ESR1: variants seen among roughly 807,000 people sequenced by gnomAD.
ESR1 encodes the protein estrogen receptor 1.
Under a neutral mutation model 52.7 loss-of-function variants are expected in ESR1, and 12 were observed. The ratio of observed to expected loss-of-function variants is 0.23; its 90% CI spans 0.15 to 0.37. ESR1 has a LOEUF of 0.37. Ranked by LOEUF, ESR1 falls within the 10% of genes least tolerant of loss-of-function variation. The probability of loss-of-function intolerance (pLI) is 1.00; values close to 1 mark genes in which losing one functional copy is unlikely to be tolerated. For synonymous variants in ESR1, 305 were observed against 316.8 expected (o/e 0.96, Z 0.39); for missense variants, 584 against 779.7 (o/e 0.75, Z 2.99).
chr6:151,859,972 A>G (rs1396424530), intron 2 of ESR1, among the ~76,000 whole-genome samples: 1 of 152,184 alleles, frequency 6.6e-6, no homozygotes, highest in Non-Finnish European at 1.5e-5. Context: ...GGTGCTCTGT[A>G]AAGAATCATT....
intron 1 of ESR1, among the ~76,000 whole-genome samples, chr6:151,818,087 T>C (rs1476182656): frequency 6.6e-6 from 1 of 152,184 alleles, no homozygotes; most frequent in African/African-American, 2.4e-5. Flanking sequence ...ATACTGTTTT[T>C]AATGCTTCCC....
intron 3 of ESR1, among the ~76,000 whole-genome samples, chr6:151,898,384 A>ATTTTTTTT (rs371510396): frequency 4.0e-5 from 4 of 101,212 alleles, no homozygotes; most frequent in South Asian, 3.1e-4. Context: ...GGTTTTGTTC[A>ATTTTTTTT]TTTTTTTTTT....
chr6:151,898,544 C>T (rs369139466), intron 3 of ESR1, among the ~76,000 whole-genome samples: 28 of 151,916 alleles, frequency 1.8e-4, no homozygotes, highest in Admixed American at 2.6e-4. Context: ...GAGGACCCTG[C>T]GGCCTTCTGC....
At chr6:151,687,123 T>G (rs1338013023), upstream of ESR1, among the ~76,000 whole-genome samples, 1 of 152,232 alleles carries the variant, frequency 6.6e-6, no homozygotes, top group Non-Finnish European at 1.5e-5. Flanking sequence ...CCAGTTCATC[T>G]TTTTCACATT....
At chr6:151,871,825 A>G (rs1167218559) in intron 2 of ESR1, among the ~76,000 whole-genome samples, 1 of 152,136 alleles carries the variant, frequency 6.6e-6, no homozygotes, top group Admixed American at 6.5e-5. Context: ...AAGTGCATCT[A>G]TGTGATATTT....
intron 2 of ESR1, among the ~76,000 whole-genome samples, chr6:151,707,706 AT>A (rs1316876223): frequency 6.6e-6 from 1 of 152,078 alleles, no homozygotes; most frequent in African/African-American, 2.4e-5. Flanking sequence ...CTTAAGGAGT[AT>A]TGCCAGATAT....
At position 152,079,469 on chromosome 6, in the gene ESR1, A is replaced by G. The variant is rs565565464; in HGVS notation, c.1370-14916A>G. On this transcript the variant is annotated intron_variant, in intron 6 of 7. Coordinates refer to ENST00000206249, the MANE Select transcript of ESR1 (RefSeq NM_000125.4). Reference sequence around the variant, plus strand: ...CATCAACAAAAAGGACATCCACACCAAAACCCCATCTGTAGGTCATCAACA... The same window carrying G: ...CATCAACAAAAAGGACATCCACACCGAAACCCCATCTGTAGGTCATCAACA... 2.0e-5 allele frequency among the ~76,000 whole-genome samples: 3 copies of G among 152,324 alleles called. No individual in the cohort carries two copies. The South Asian group carries it at 6.2e-4, about 32-fold the overall frequency.
exon 7 of ESR1, chr6:152,126,081 TA>T (rs1045480634): frequency 1.3e-5 from 2 of 152,240 alleles, no homozygotes; most frequent in Non-Finnish European, 2.9e-5. Flanking sequence ...GAGCATTTTT[TA>T]TTAAAATTTA....
At chr6:151,879,314 C>T (rs1057238491) in intron 2 of ESR1, among the ~76,000 whole-genome samples, 5 of 152,070 alleles carry the variant, frequency 3.3e-5, no homozygotes, top group Non-Finnish European at 5.9e-5. Context: ...TTTGGCAACG[C>T]GATTCATTGG....
At chr6:151,978,665 G>A (rs1156239521) in intron 4 of ESR1, among the ~76,000 whole-genome samples, 2 of 152,124 alleles carry the variant, frequency 1.3e-5, no homozygotes, top group Non-Finnish European at 2.9e-5. Context: ...GCAAGCAGAT[G>A]ACTGAGTTCT....
chr6:152,123,937 G>T (rs2052389149), intron 6 of ESR1, among the ~76,000 whole-genome samples: 1 of 152,164 alleles, frequency 6.6e-6, no homozygotes, highest in South Asian at 2.1e-4. Context: ...GATGCGGAGT[G>T]ACACCTAAGA....
In ESR1 at chr6:152,094,252, A is replaced by G. The variant is rs1317166026; in HGVS notation, c.1370-133A>G. ...CTGTAACCCGGTTTTAAATGGGTCC[A>G]GAGCATCCCCATTGCTAGACTACTG... On this transcript the variant is annotated intron_variant, in intron 6 of 7. Coordinates refer to ENST00000206249, the MANE Select transcript of ESR1 (RefSeq NM_000125.4). The surrounding 1 kb of genome is among the most constrained non-coding windows in gnomAD (Gnocchi z 4.6). 4.8e-6 allele frequency: 4 copies of G among 827,922 alleles called. No individual in the cohort carries two copies. The highest frequency in any genetic ancestry group is 8.5e-6 in the Non-Finnish European group (4 of 471,352). 51.3% of individuals were successfully genotyped at this position (827,922 alleles called of 1,614,324 possible). A position where few individuals can be genotyped will look rare whatever the true frequency, so the allele number is the denominator to read the frequency against.
intron 4 of ESR1, among the ~76,000 whole-genome samples, chr6:151,994,186 G>T (rs187355212): frequency 1.3e-5 from 2 of 152,226 alleles, no homozygotes; most frequent in East Asian, 3.9e-4. Flanking sequence ...AATTTTACAT[G>T]TTCCGTGGAT....
At chr6:151,972,652 G>A (rs908507398) in intron 4 of ESR1, among the ~76,000 whole-genome samples, 5 of 152,192 alleles carry the variant, frequency 3.3e-5, no homozygotes, top group African/African-American at 1.2e-4. Flanking sequence ...TGGAAAAGTA[G>A]ATGTTAATGG....
At chr6:151,898,713 G>T (rs1795959349) in intron 3 of ESR1, among the ~76,000 whole-genome samples, 1 of 152,068 alleles carries the variant, frequency 6.6e-6, no homozygotes, top group African/African-American at 2.4e-5. Flanking sequence ...CACAGGGTTG[G>T]GGGTAAGGTC....
intron 5 of ESR1, among the ~76,000 whole-genome samples, chr6:152,038,296 C>T (rs936978838): frequency 1.3e-5 from 2 of 152,182 alleles, no homozygotes; most frequent in African/African-American, 4.8e-5. Context: ...ATGGTGCCCG[C>T]CCAGATTGAG....
At chr6:151,792,167 G>C (rs1234193041) in intron 2 of ESR1, among the ~76,000 whole-genome samples, 4 of 152,144 alleles carry the variant, frequency 2.6e-5, no homozygotes, top group African/African-American at 9.7e-5. Context: ...CTTCAACATA[G>C]AAAAGGCACA....
At chr6:151,790,705 T>C (rs543745619) in intron 2 of ESR1, among the ~76,000 whole-genome samples, 1 of 152,236 alleles carries the variant, frequency 6.6e-6, no homozygotes, top group African/African-American at 2.4e-5. Flanking sequence ...TTTGTTTATA[T>C]ACACACATTC....
chr6:151,850,062 T>TTA (rs1491305506), intron 2 of ESR1, among the ~76,000 whole-genome samples: 1 of 100,670 alleles, frequency 9.9e-6, no homozygotes, highest in South Asian at 2.9e-4. Context: ...ATATATAATT[T>TTA]TATATATATA....
Sources: allele counts gnomAD v4.1 joint callset (sites outside exome capture counted in the v4.1 genomes callset), GRCh38; gene constraint gnomAD v4.1.1; non-coding constraint Gnocchi (gnomAD v3.1); transcripts MANE v1.5; gene names NCBI Gene and HGNC (gene_info 2026-07-23, HGNC 2026-07-21).